The following PRR11 variants were observed in gnomAD, a reference collection of about 807,000 sequenced individuals.
The protein encoded by PRR11 is proline-rich protein 11.
PRR11 carries 30 observed loss-of-function variants against 45.6 expected under a neutral mutation model. The ratio of observed to expected loss-of-function variants is 0.66; its 90% CI spans 0.49 to 0.89. The LOEUF is 0.89. PRR11 is among the 40% of genes least tolerant of loss of function. The pLI is 0.00. For synonymous variants in PRR11, 128 were observed against 153.5 expected (o/e 0.83, Z 1.23); for missense variants, 373 against 424.8 (o/e 0.88, Z 1.07).
Position 59,174,854 on chromosome 17 carries a change from C to A in PRR11, c.128+4974C>A. 2.4e-6 allele frequency: 3 copies of A among 1,259,200 alleles called. No individual in the cohort carries two copies. In the South Asian group the frequency reaches 3.5e-5, roughly 15 times the overall value. The allele number at this position is 1,259,200 out of a possible 1,614,324, so 78.0% of individuals were successfully genotyped here. On this transcript the variant is annotated intron_variant, in intron 2 of 9. Transcript: ENST00000262293. Reference sequence around the variant, plus strand: ...GCCTGGATCTGGAAAAACAAACGCCCCTTAAGAAGATGGGGACTCCCCAGG... The same window carrying A: ...GCCTGGATCTGGAAAAACAAACGCCACTTAAGAAGATGGGGACTCCCCAGG...
chr17:59,157,471 G>T (rs1034895396), intron 1 of PRR11, among the ~76,000 whole-genome samples: 1 of 152,236 alleles, frequency 6.6e-6, no homozygotes, highest in Admixed American at 6.5e-5. Context: ...GGAGGATGAA[G>T]CGGGCGGATC....
chr17:59,172,469 T>C (rs2046714590), intron 2 of PRR11, among the ~76,000 whole-genome samples: 1 of 152,186 alleles, frequency 6.6e-6, no homozygotes, highest in African/African-American at 2.4e-5. Context: ...GGGAGCCCCT[T>C]TCTGGGCTGG....
At chr17:59,175,856 T>A (rs1444319612) in intron 2 of PRR11, among the ~76,000 whole-genome samples, 3 of 152,158 alleles carry the variant, frequency 2.0e-5, no homozygotes, top group Non-Finnish European at 4.4e-5. Context: ...TGCAGTGAGC[T>A]ATGATCTCAC....
intron 7 of PRR11, among the ~76,000 whole-genome samples, chr17:59,197,329 G>A (rs961607288): frequency 1.3e-5 from 2 of 148,806 alleles, no homozygotes; most frequent in Non-Finnish European, 3.0e-5. Context: ...TTTGCTCACT[G>A]CAAGCTCTGC....
chr17:59,183,834 A>T (rs1421750919), intron 2 of PRR11, among the ~76,000 whole-genome samples: 1 of 152,200 alleles, frequency 6.6e-6, no homozygotes, highest in African/African-American at 2.4e-5. Context: ...ACAGTGGCTC[A>T]TGTTTGTAAT....
intron 5 of PRR11, among the ~76,000 whole-genome samples, chr17:59,194,173 A>G (rs575625528): frequency 6.6e-6 from 1 of 152,220 alleles, no homozygotes; most frequent in South Asian, 2.1e-4. Flanking sequence ...TGAATCACTA[A>G]GACAGGCATG....
At chr17:59,180,515 TTTTG>T (rs1320760877) in intron 2 of PRR11, among the ~76,000 whole-genome samples, 2,199 of 132,096 alleles carry the variant, frequency 0.017, 164 homozygotes, top group African/African-American at 0.061. Context: ...TTTTTGTTTT[TTTTG>T]TTTTTTTTGC....
chr17:59,201,506 T>G, intron 9 of PRR11, 57 bp from the exon 10 acceptor site: 1 of 1,549,558 alleles, frequency 6.5e-7, no homozygotes, highest in Non-Finnish European at 8.8e-7. Flanking sequence ...GAAAGGAGAG[T>G]TGTACTTATC....
intron 4 of PRR11, among the ~76,000 whole-genome samples, chr17:59,187,994 A>G (rs531936372): frequency 9.2e-5 from 14 of 152,286 alleles, no homozygotes; most frequent in African/African-American, 2.9e-4. Flanking sequence ...TACTACCCCT[A>G]TTAAGGCGAC....
intron 2 of PRR11, among the ~76,000 whole-genome samples, chr17:59,177,940 T>C (rs2046757551): frequency 6.7e-6 from 1 of 148,430 alleles, no homozygotes; most frequent in Non-Finnish European, 1.5e-5. Context: ...AATTAGAGGC[T>C]GTGGTGAGCT....
chr17:59,164,068 T>G (rs1030537344), intron 1 of PRR11, among the ~76,000 whole-genome samples: 5 of 151,600 alleles, frequency 3.3e-5, no homozygotes, highest in African/African-American at 1.2e-4. Flanking sequence ...GACTCCATCT[T>G]AAAAAAAAGA....
intron 1 of PRR11, among the ~76,000 whole-genome samples, chr17:59,162,249 CAGAGAG>C (rs1555714847): frequency 7.4e-6 from 1 of 135,016 alleles, no homozygotes; most frequent in Non-Finnish European, 1.6e-5. Context: ...CACACACACA[CAGAGAG>C]AGAGAGAGAG....
Position 59,201,810 on chromosome 17 carries a change from A to G in PRR11, c.*179A>G. On this transcript the variant is annotated 3_prime_UTR_variant, in exon 10 of 10. Transcript: ENST00000262293. ...ACATGGTGAAACTCCTTCCCCACTAAAAATACAGAAATTAGCTGGGCATAG... is the reference window on the plus strand; with the variant it reads ...ACATGGTGAAACTCCTTCCCCACTAGAAATACAGAAATTAGCTGGGCATAG... 1 of 591,382 alleles carries G rather than the reference A, an allele frequency of 1.7e-6. No homozygotes were observed. The allele number at this position is 591,382 out of a possible 1,614,324, so 36.6% of individuals were successfully genotyped here.
At chr17:59,191,538 G>A (rs2046840876) in intron 4 of PRR11, among the ~76,000 whole-genome samples, 1 of 151,732 alleles carries the variant, frequency 6.6e-6, no homozygotes, top group African/African-American at 2.4e-5. Context: ...TGATTCTCTG[G>A]GTAAACCTAC....
intron 9 of PRR11, among the ~76,000 whole-genome samples, chr17:59,199,444 T>G (rs1199713878): frequency 6.6e-6 from 1 of 152,168 alleles, no homozygotes; most frequent in Non-Finnish European, 1.5e-5. Context: ...CCTGCAGAGT[T>G]GAAAGGAAAA....
At chr17:59,192,760 A>G (rs6503902) in intron 4 of PRR11, among the ~76,000 whole-genome samples, 5,993 of 152,192 alleles carry the variant, frequency 0.039, 219 homozygotes, top group Admixed American at 0.1. Context: ...TAAAGACCCT[A>G]TCTCCAAATA....
At chr17:59,174,291 A>C (rs1314771856) in intron 2 of PRR11, among the ~76,000 whole-genome samples, 1 of 152,206 alleles carries the variant, frequency 6.6e-6, no homozygotes, top group Non-Finnish European at 1.5e-5. Context: ...ATCCGTTTCT[A>C]ATGTGACAAC....
intron 1 of PRR11, among the ~76,000 whole-genome samples, chr17:59,167,379 T>C (rs1415367901): frequency 6.6e-6 from 1 of 152,138 alleles, no homozygotes; most frequent in African/African-American, 2.4e-5. Context: ...CATCCTACAG[T>C]GCCATAGAAC....
intron 1 of PRR11, among the ~76,000 whole-genome samples, chr17:59,168,793 C>A (rs1488238736): frequency 6.6e-6 from 1 of 152,044 alleles, no homozygotes; most frequent in Non-Finnish European, 1.5e-5. Flanking sequence ...AGTGTCACAC[C>A]ACAGCGTATT....
Sources: gnomAD v4.1 joint callset for allele counts (sites outside exome capture counted in the v4.1 genomes callset) on GRCh38, gnomAD v4.1.1 for gene constraint, MANE v1.5 for transcripts, NCBI Gene and HGNC (gene_info 2026-07-23, HGNC 2026-07-21) for gene names.